SYN3: variants seen among roughly 807,000 people sequenced by gnomAD.
SYN3 encodes the protein synapsin-3.
In SYN3, 35 loss-of-function variants were observed where a neutral mutation model predicts 65.8. The ratio of observed to expected loss-of-function variants is 0.53; its 90% CI spans 0.41 to 0.70. The LOEUF is 0.70. Ranked by LOEUF, SYN3 falls within the 30% of genes least tolerant of loss-of-function variation. The probability of loss-of-function intolerance (pLI) is 0.00; values close to 1 mark genes in which losing one functional copy is unlikely to be tolerated. For synonymous variants in SYN3, 270 were observed against 292.9 expected (o/e 0.92, Z 0.80); for missense variants, 680 against 749.0 (o/e 0.91, Z 1.08).
intron 6 of SYN3, among the ~76,000 whole-genome samples, chr22:32,803,166 ACTGGG>A (rs773095757): frequency 9.2e-5 from 14 of 152,214 alleles, no homozygotes; most frequent in Admixed American, 1.3e-4. Context: ...GTGTGTGTGC[ACTGGG>A]CTGGGCTGGG....
At chr22:32,794,133 C>T (rs1455140872) in intron 6 of SYN3, among the ~76,000 whole-genome samples, 1 of 152,214 alleles carries the variant, frequency 6.6e-6, no homozygotes, top group Non-Finnish European at 1.5e-5. Flanking sequence ...ATTTCCTCAG[C>T]AAAGCTTTTG....
At chr22:32,809,277 G>A (rs2046846433) in intron 6 of SYN3, among the ~76,000 whole-genome samples, 1 of 152,308 alleles carries the variant, frequency 6.6e-6, no homozygotes, top group East Asian at 1.9e-4. Context: ...TAGACCAAGG[G>A]CTACAACTTT....
chr22:32,965,543 CGTGTGTGTGTGTGT>C (rs10602672), intron 3 of SYN3, among the ~76,000 whole-genome samples: 2 of 147,356 alleles, frequency 1.4e-5, no homozygotes, highest in Non-Finnish European at 3.0e-5. Context: ...ATGGTGCGTA[CGTGTGTGTGTGTGT>C]GTGTGTGTGT....
chr22:32,659,886 G>A (rs2060193306), intron 6 of SYN3, among the ~76,000 whole-genome samples: 1 of 152,176 alleles, frequency 6.6e-6, no homozygotes, highest in Admixed American at 6.5e-5. Context: ...TGAGAGGAAG[G>A]AGGCTGTACT....
At chr22:32,761,021 T>A (rs1281960414) in intron 6 of SYN3, among the ~76,000 whole-genome samples, 1 of 151,990 alleles carries the variant, frequency 6.6e-6, no homozygotes, top group Non-Finnish European at 1.5e-5. Flanking sequence ...CAGGGGGAGC[T>A]CCCGGGGTAC....
intron 6 of SYN3, among the ~76,000 whole-genome samples, chr22:32,655,540 C>T (rs1010247403): frequency 1.3e-5 from 2 of 152,106 alleles, no homozygotes; most frequent in East Asian, 1.9e-4. Context: ...CTCGTATTAC[C>T]GCCCGCACTC....
At chr22:32,591,768 A>G (rs1483799214) in intron 7 of SYN3, among the ~76,000 whole-genome samples, 1 of 152,212 alleles carries the variant, frequency 6.6e-6, no homozygotes, top group East Asian at 1.9e-4. Context: ...GTCCAGATAC[A>G]TTAAATGGAA....
chr22:32,615,640 C>A (rs2059508927), intron 6 of SYN3, among the ~76,000 whole-genome samples: 1 of 152,000 alleles, frequency 6.6e-6, no homozygotes, highest in South Asian at 2.1e-4. Context: ...GGATAGCACG[C>A]TCTAATAAGG....
In SYN3 at chr22:32,831,790, A is replaced by C. The variant is rs139147858; in HGVS notation, c.711+33125T>G. ...GTGAAGTTATCCCAGGTTTATTTAC[A>C]CTGTAACTAATTTACTCTTGGCTGG... On this transcript the variant is annotated intron_variant, in intron 6 of 13. Coordinates refer to ENST00000358763, the MANE Select transcript of SYN3 (RefSeq NM_003490.4). Among the ~76,000 whole-genome samples, 5 of 152,144 alleles carry C rather than the reference A, an allele frequency of 3.3e-5. 1 individual carries two copies. The South Asian group carries it at 8.3e-4, about 25-fold the overall frequency.
At chr22:32,552,033 G>A (rs572611404) in intron 7 of SYN3, among the ~76,000 whole-genome samples, 3 of 152,260 alleles carry the variant, frequency 2.0e-5, no homozygotes, top group South Asian at 2.1e-4. Flanking sequence ...GGTGGATCAC[G>A]AGGTTAAGAG....
At chr22:32,693,061 G>C (rs2060687559) in intron 6 of SYN3, among the ~76,000 whole-genome samples, 2 of 151,976 alleles carry the variant, frequency 1.3e-5, no homozygotes, top group South Asian at 2.1e-4. Context: ...TGAAACCTCA[G>C]ATAGTACTGA....
chr22:32,957,388 C>T (rs570944459), intron 3 of SYN3, among the ~76,000 whole-genome samples: 16 of 152,266 alleles, frequency 1.1e-4, no homozygotes, highest in East Asian at 1.9e-4. Context: ...AAATGAACAT[C>T]GCCGGGATGC....
chr22:32,533,154 G>C (rs1209976629), intron 10 of SYN3, among the ~76,000 whole-genome samples: 1 of 151,976 alleles, frequency 6.6e-6, no homozygotes, highest in Non-Finnish European at 1.5e-5. Context: ...GGAGGGTCTT[G>C]AGAGAGATTC....
chr22:32,945,349 A>T (rs1251391121), intron 3 of SYN3, among the ~76,000 whole-genome samples: 4 of 152,186 alleles, frequency 2.6e-5, no homozygotes, highest in Non-Finnish European at 5.9e-5. Context: ...AGAGATATAG[A>T]CCAATGGAAC....
intron 2 of SYN3, among the ~76,000 whole-genome samples, chr22:32,991,269 C>T (rs527499444): frequency 3.3e-5 from 5 of 150,998 alleles, no homozygotes; most frequent in South Asian, 4.2e-4. Context: ...ACTCGGGAGG[C>T]GGAGGTTGCA....
At chr22:32,664,584 CTTTTTTTTTTTTTTT>C (rs71320943) in intron 6 of SYN3, among the ~76,000 whole-genome samples, 9 of 69,052 alleles carry the variant, frequency 1.3e-4, no homozygotes, top group Admixed American at 1.6e-4. Context: ...CAATTGGTCG[CTTTTTTTTTTTTTTT>C]TTTTTTTTTT....
intron 6 of SYN3, among the ~76,000 whole-genome samples, chr22:32,830,803 G>A (rs1269864059): frequency 6.6e-6 from 1 of 152,158 alleles, no homozygotes; most frequent in Non-Finnish European, 1.5e-5. Context: ...TGTGGCCCCT[G>A]GCTTCTCCCA....
At chr22:32,741,076 A>G (rs1336642120) in intron 6 of SYN3, among the ~76,000 whole-genome samples, 1 of 152,180 alleles carries the variant, frequency 6.6e-6, no homozygotes, top group Non-Finnish European at 1.5e-5. Context: ...AAAGGGAGAC[A>G]CTGGATCAGG....
chr22:32,828,299 C>T (rs5749524), intron 6 of SYN3, among the ~76,000 whole-genome samples: 27,508 of 152,110 alleles, frequency 0.18, 3,407 homozygotes, highest in African/African-American at 0.36. Context: ...CAAGTTCTTA[C>T]GGGGCCACTT....
Sources: allele counts gnomAD v4.1 joint callset (sites outside exome capture counted in the v4.1 genomes callset), GRCh38; gene constraint gnomAD v4.1.1; transcripts MANE v1.5; gene names NCBI Gene and HGNC (gene_info 2026-07-23, HGNC 2026-07-21).